Variants in OR51B5 observed in about 807,000 individuals in gnomAD.
OR51B5 encodes olfactory receptor 51B5.
For missense variants in OR51B5, 456 were observed against 374.6 expected (o/e 1.22, Z -1.79); for synonymous variants, 186 against 144.8 (o/e 1.28, Z -2.04).
At chr11:5,404,652 G>C (rs1850033239) in intron 1 of OR51B5, among the ~76,000 whole-genome samples, 1 of 152,206 alleles carries the variant, frequency 6.6e-6, no homozygotes, top group South Asian at 2.1e-4. Flanking sequence ...CGCTGTGGAA[G>C]CTTTGTTCTT....
intron 1 of OR51B5, chr11:5,390,666 A>C: frequency 3.0e-6 from 1 of 333,410 alleles, no homozygotes; most frequent in Non-Finnish European, 5.5e-6. Context: ...AACTAAAATG[A>C]AACTAAATAA....
chr11:5,391,257 T>C (rs1274851265), intron 1 of OR51B5: 1 of 152,218 alleles, frequency 6.6e-6, no homozygotes, highest in Non-Finnish European at 1.5e-5. Flanking sequence ...GGTCTCAGCT[T>C]TGAAATTGCT....
At chr11:5,419,062 C>G (rs1040705072) in intron 1 of OR51B5, among the ~76,000 whole-genome samples, 3 of 152,056 alleles carry the variant, frequency 2.0e-5, no homozygotes, top group Non-Finnish European at 4.4e-5. Context: ...TGAGGACTTA[C>G]TTTTGATATA....
At chr11:5,483,820 C>T (rs965443151) in intron 1 of OR51B5, among the ~76,000 whole-genome samples, 13 of 152,142 alleles carry the variant, frequency 8.5e-5, no homozygotes, top group African/African-American at 2.7e-4. Flanking sequence ...TACCAATCCC[C>T]TTGACTAGAG....
At chr11:5,491,822 G>A (rs1467824006) in intron 1 of OR51B5, among the ~76,000 whole-genome samples, 2 of 152,170 alleles carry the variant, frequency 1.3e-5, no homozygotes, top group African/African-American at 4.8e-5. Flanking sequence ...TTTTACCTAT[G>A]CACTAAAAAG....
chr11:5,411,750 C>T (rs1392797417), intron 1 of OR51B5, among the ~76,000 whole-genome samples: 1 of 152,158 alleles, frequency 6.6e-6, no homozygotes, highest in East Asian at 1.9e-4. Flanking sequence ...CCAACATAAT[C>T]ACTAGTGTCC....
At chr11:5,370,411 A>G (rs750225339) in intron 1 of OR51B5, among the ~76,000 whole-genome samples, 4 of 152,204 alleles carry the variant, frequency 2.6e-5, no homozygotes, top group African/African-American at 7.2e-5. Flanking sequence ...AGCAATTTAC[A>G]GGGAAAATTA....
intron 1 of OR51B5, among the ~76,000 whole-genome samples, chr11:5,397,076 T>C (rs966000577): frequency 2.6e-5 from 4 of 152,198 alleles, no homozygotes; most frequent in East Asian, 1.9e-4. Context: ...AAGACTTAAA[T>C]GTTAGACCTA....
intron 1 of OR51B5, among the ~76,000 whole-genome samples, chr11:5,429,298 G>A (rs1322756169): frequency 1.3e-5 from 2 of 152,078 alleles, no homozygotes; most frequent in Non-Finnish European, 1.5e-5. Flanking sequence ...ATTCTTCACC[G>A]CAATACCAGG....
intron 1 of OR51B5, among the ~76,000 whole-genome samples, chr11:5,480,854 T>G (rs11037694): frequency 0.093 from 8,773 of 94,684 alleles, 526 homozygotes; most frequent in East Asian, 0.17. Context: ...GCTGAAATTG[T>G]GGCAATAATC....
intron 1 of OR51B5, among the ~76,000 whole-genome samples, chr11:5,429,622 T>C (rs934127258): frequency 2.0e-5 from 3 of 151,974 alleles, no homozygotes; most frequent in African/African-American, 7.3e-5. Flanking sequence ...TAGGCAAACA[T>C]GGGCAGATGC....
At chr11:5,490,462 C>A (rs1281904685) in intron 1 of OR51B5, among the ~76,000 whole-genome samples, 2 of 152,142 alleles carry the variant, frequency 1.3e-5, no homozygotes, top group African/African-American at 4.8e-5. Flanking sequence ...CACACTCATC[C>A]ATTTTGAGGT....
At chr11:5,407,023 T>A (rs1431122432) in intron 1 of OR51B5, among the ~76,000 whole-genome samples, 1 of 152,038 alleles carries the variant, frequency 6.6e-6, no homozygotes, top group African/African-American at 2.4e-5. Flanking sequence ...TTTAAAAGAT[T>A]TGAAAAACAT....
In OR51B5 at chr11:5,370,730, C is replaced by T. The variant is rs954794397; in HGVS notation, n.85-23820G>A. ...TGTTCCTATGAAGCTTGTATTTTAACGGAAAGGAAATAATAAAAAAGTGAC... is the reference window on the plus strand; with the variant it reads ...TGTTCCTATGAAGCTTGTATTTTAATGGAAAGGAAATAATAAAAAAGTGAC... On this transcript the variant is annotated intron_variant and non_coding_transcript_variant, in intron 1 of 4. Coordinates refer to the OR51B5 transcript ENST00000415970. 8.6e-5 allele frequency among the ~76,000 whole-genome samples: 13 copies of T among 151,710 alleles called. No individual in the cohort carries two copies. In the South Asian group the frequency reaches 1.0e-3, roughly 12 times the overall value.
At chr11:5,450,479 A>G (rs576558617) in intron 1 of OR51B5, among the ~76,000 whole-genome samples, 1 of 152,288 alleles carries the variant, frequency 6.6e-6, no homozygotes, top group Admixed American at 6.5e-5. Flanking sequence ...TATAGCCAGT[A>G]CCTTCCAGAG....
At chr11:5,387,809 T>G (rs1849722146) in intron 1 of OR51B5, among the ~76,000 whole-genome samples, 1 of 152,196 alleles carries the variant, frequency 6.6e-6, no homozygotes, top group Non-Finnish European at 1.5e-5. Context: ...CAGAGAGGTC[T>G]TCTCTGACTA....
intron 1 of OR51B5, among the ~76,000 whole-genome samples, chr11:5,416,242 A>C (rs969907444): frequency 5.8e-5 from 8 of 137,300 alleles, no homozygotes; most frequent in African/African-American, 2.1e-4. Context: ...CATGCTAAAA[A>C]CTCTCAATAA....
At chr11:5,343,036 A>G in exon 1 of OR51B5, 1 of 1,613,900 alleles carries the variant, frequency 6.2e-7, no homozygotes, top group Non-Finnish European at 8.5e-7. Context: ...AATACAGAAA[A>G]AAATAGAGGG....
chr11:5,422,354 C>T (rs1850353520), intron 1 of OR51B5: 9 of 1,614,034 alleles, frequency 5.6e-6, no homozygotes, highest in African/African-American at 2.7e-5. Context: ...CACTGTCATT[C>T]GCACAGAGCC....
Sources: allele counts gnomAD v4.1 joint callset (sites outside exome capture counted in the v4.1 genomes callset), GRCh38; gene constraint gnomAD v4.1.1; transcripts MANE v1.5; gene names NCBI Gene and HGNC (gene_info 2026-07-23, HGNC 2026-07-21).